Variants in CSMD1 observed in about 807,000 individuals in gnomAD.
CSMD1 encodes the protein CUB and Sushi multiple domains 1.
Under a neutral mutation model 417.5 loss-of-function variants are expected in CSMD1, and 213 were observed. That is an observed-to-expected ratio of 0.51 (90% CI 0.46 to 0.57). The LOEUF (loss-of-function observed/expected upper bound fraction) is 0.57. Among genes scored for constraint, CSMD1 ranks in the 20% least tolerant of loss-of-function variants. The pLI, the probability that CSMD1 is intolerant of heterozygous loss-of-function variation, is 0.00. For synonymous variants in CSMD1, 2,862 were observed against 1,736.8 expected (o/e 1.65, Z -16.11); for missense variants, 6,923 against 4,529.7 (o/e 1.53, Z -15.17).
At chr8:4,181,085 T>C (rs751454948) in intron 3 of CSMD1, among the ~76,000 whole-genome samples, 1 of 152,168 alleles carries the variant, frequency 6.6e-6, no homozygotes, top group African/African-American at 2.4e-5. Flanking sequence ...AACAGACCTA[T>C]TGAACATTCC....
intron 5 of CSMD1, among the ~76,000 whole-genome samples, chr8:3,946,664 C>T (rs1476908054): frequency 6.6e-6 from 1 of 152,086 alleles, no homozygotes; most frequent in East Asian, 1.9e-4. Flanking sequence ...ATCTTGAAAG[C>T]CCTGCATCTT....
At chr8:4,955,648 C>A (rs1809050991) in intron 1 of CSMD1, among the ~76,000 whole-genome samples, 1 of 151,910 alleles carries the variant, frequency 6.6e-6, no homozygotes, top group East Asian at 1.9e-4. Context: ...TAGAGACGGG[C>A]TTTCCCCATA....
chr8:3,460,949 G>C (rs1230072797), intron 12 of CSMD1, among the ~76,000 whole-genome samples: 1 of 152,148 alleles, frequency 6.6e-6, no homozygotes, highest in Non-Finnish European at 1.5e-5. Flanking sequence ...TGTTTCAAGG[G>C]ATGTGGAGGG....
intron 49 of CSMD1, among the ~76,000 whole-genome samples, chr8:3,055,179 A>G (rs1379612809): frequency 1.3e-5 from 2 of 152,220 alleles, no homozygotes; most frequent in Admixed American, 6.5e-5. Flanking sequence ...ATGAAGCCCC[A>G]TCACAAAACA....
intron 3 of CSMD1, among the ~76,000 whole-genome samples, chr8:4,274,218 G>T (rs567822776): frequency 1.3e-5 from 2 of 152,068 alleles, no homozygotes; most frequent in East Asian, 1.9e-4. Flanking sequence ...AGTTTATAAA[G>T]TCCAGGCCTC....
chr8:4,941,292 T>C (rs1807982216), intron 1 of CSMD1, among the ~76,000 whole-genome samples: 1 of 151,774 alleles, frequency 6.6e-6, no homozygotes, highest in Admixed American at 6.6e-5. Context: ...AAAGTTATTT[T>C]GATGTAATAT....
intron 12 of CSMD1, among the ~76,000 whole-genome samples, chr8:3,418,751 A>G (rs34046765): frequency 0.019 from 2,860 of 152,306 alleles, 54 homozygotes; most frequent in East Asian, 0.096. Context: ...ATTGGTGATC[A>G]TGCAGACACA....
At chr8:3,850,722 A>G (rs1245345099) in intron 5 of CSMD1, among the ~76,000 whole-genome samples, 1 of 152,100 alleles carries the variant, frequency 6.6e-6, no homozygotes, top group Non-Finnish European at 1.5e-5. Flanking sequence ...AAACATAAAA[A>G]AATAAAACAA....
chr8:3,291,749 C>G (rs1298821375), intron 25 of CSMD1, among the ~76,000 whole-genome samples: 1 of 151,958 alleles, frequency 6.6e-6, no homozygotes, highest in Non-Finnish European at 1.5e-5. Context: ...AGTGGTTTAT[C>G]AGTTTTGTTG....
At chr8:3,782,418 C>T (rs571228583) in intron 5 of CSMD1, among the ~76,000 whole-genome samples, 31 of 152,246 alleles carry the variant, frequency 2.0e-4, no homozygotes, top group African/African-American at 7.0e-4. Flanking sequence ...TATAAATAGG[C>T]TGTTCAACAA....
chr8:3,680,941 A>C (rs1188829044), intron 7 of CSMD1, among the ~76,000 whole-genome samples: 1 of 152,214 alleles, frequency 6.6e-6, no homozygotes, highest in African/African-American at 2.4e-5. Flanking sequence ...CAAAAACCAC[A>C]TGATTATCTC....
At chr8:4,565,270 T>C (rs1798535402) in intron 2 of CSMD1, among the ~76,000 whole-genome samples, 1 of 152,206 alleles carries the variant, frequency 6.6e-6, no homozygotes, top group South Asian at 2.1e-4. Flanking sequence ...GTGTGCAGAA[T>C]ATTGAGTGAA....
chr8:4,111,052 C>T (rs1801826671), intron 3 of CSMD1, among the ~76,000 whole-genome samples: 1 of 152,112 alleles, frequency 6.6e-6, no homozygotes, highest in African/African-American at 2.4e-5. Flanking sequence ...CTTAATAAAC[C>T]TTGCACCGCA....
chr8:4,475,598 G>T (rs1006767190), intron 2 of CSMD1, among the ~76,000 whole-genome samples: 3 of 151,094 alleles, frequency 2.0e-5, no homozygotes, highest in South Asian at 2.1e-4. Flanking sequence ...TTTTCTTAGG[G>T]TTTTTTTTCT....
At chr8:4,148,750 C>T (rs953712914) in intron 3 of CSMD1, among the ~76,000 whole-genome samples, 2 of 152,116 alleles carry the variant, frequency 1.3e-5, no homozygotes, top group Admixed American at 1.3e-4. Context: ...CTAAAGGCTC[C>T]ACATCCTAAT....
intron 26 of CSMD1, among the ~76,000 whole-genome samples, chr8:3,272,167 G>A (rs1585877849): frequency 2.0e-5 from 3 of 146,852 alleles, no homozygotes; most frequent in African/African-American, 7.5e-5. Flanking sequence ...AGTTTTCCCA[G>A]CACCATTTAT....
chr8:3,261,377 C>G (rs755762962), intron 26 of CSMD1, among the ~76,000 whole-genome samples: 1 of 152,148 alleles, frequency 6.6e-6, no homozygotes, highest in African/African-American at 2.4e-5. Context: ...TAGAAACTTA[C>G]GTTCCCATGA....
chr8:3,230,553 A>G (rs1180158539), intron 26 of CSMD1, among the ~76,000 whole-genome samples: 1 of 152,144 alleles, frequency 6.6e-6, no homozygotes, highest in East Asian at 1.9e-4. Context: ...TTTTCTCTTC[A>G]GCAATATTTT....
chr8:3,510,466 C>T (rs753475646), intron 10 of CSMD1, among the ~76,000 whole-genome samples: 2 of 151,942 alleles, frequency 1.3e-5, no homozygotes, highest in East Asian at 1.9e-4. Flanking sequence ...CCCTCACCCT[C>T]AATATCATCT....
Sources: allele counts gnomAD v4.1 joint callset (sites outside exome capture counted in the v4.1 genomes callset), GRCh38; gene constraint gnomAD v4.1.1; transcripts MANE v1.5; gene names NCBI Gene and HGNC (gene_info 2026-07-23, HGNC 2026-07-21).